Variants in KYNU observed in about 807,000 individuals in gnomAD.
The protein encoded by KYNU is kynureninase.
A neutral mutation model predicts 59.2 loss-of-function variants in KYNU; 54 were observed. The ratio of observed to expected loss-of-function variants is 0.91; its 90% CI spans 0.73 to 1.14. The LOEUF (loss-of-function observed/expected upper bound fraction) is 1.14. Ranked by LOEUF, KYNU falls within the 50% of genes most tolerant of loss-of-function variation. The pLI, the probability that KYNU is intolerant of heterozygous loss-of-function variation, is 0.00. For synonymous variants in KYNU, 177 were observed against 192.0 expected, an observed-to-expected ratio of 0.92 and a Z score of 0.65; for missense variants, 567 against 554.4, an observed-to-expected ratio of 1.02 and a Z score of -0.23.
intron 10 of KYNU, chr2:142,989,369 A>G: frequency 1.0e-6 from 1 of 997,504 alleles, no homozygotes. Flanking sequence ...AGAGTTTTTC[A>G]CTGTTAAAGT....
At chr2:142,915,080 T>C (rs931644388) in intron 2 of KYNU, among the ~76,000 whole-genome samples, 1 of 152,242 alleles carries the variant, frequency 6.6e-6, no homozygotes, top group African/African-American at 2.4e-5. Context: ...AAAAATATAC[T>C]GCAAAAGGGT....
At chr2:143,022,170 A>G (rs1438562382) in intron 10 of KYNU, among the ~76,000 whole-genome samples, 1 of 152,122 alleles carries the variant, frequency 6.6e-6, no homozygotes, top group Non-Finnish European at 1.5e-5. Context: ...TTTGACTTTC[A>G]GGCTGAGGTT....
At position 143,017,434 on chromosome 2, in the gene KYNU, C is replaced by CTTTTTTTTTTTTTTTTTT. The variant is rs1184177776; in HGVS notation, c.903-12186_903-12169dup. 6.6e-4 allele frequency among the ~76,000 whole-genome samples: 45 copies of CTTTTTTTTTTTTTTTTTT among 68,444 alleles called. 1 individual carries two copies. The highest frequency in any genetic ancestry group is 7.8e-4 in the Non-Finnish European group (30 of 38,572). 44.9% of individuals were successfully genotyped at this position (68,444 alleles called of 152,430 possible). ...TTTTTTGACCTTTTCTCTCTTTTTT[C>CTTTTTTTTTTTTTTTTTT]TTTTTTTTTTTTTTTTTTTTTTTTG... On this transcript the variant is annotated intron_variant, in intron 10 of 13. Coordinates refer to ENST00000264170, the MANE Select transcript of KYNU (RefSeq NM_003937.3).
At position 143,045,219 on chromosome 2, in the gene KYNU, G is replaced by A. The variant is rs940492425; in HGVS notation, c.*3047G>A. On this transcript the variant is annotated 3_prime_UTR_variant, in exon 14 of 14. Transcript: ENST00000264170. ...GTCTGTTTTTGTTCAGTACCATGCT[G>A]TTTTGTTTACTATAGCCTTGTAGTA... The A allele has an allele frequency of 6.6e-6, 1 of 152,110 alleles. No homozygotes were observed. Among genetic ancestry groups the A allele is most frequent in the South Asian group, 2.1e-4 (1 of 4,834 alleles). The allele number at this position is 152,110 out of a possible 1,614,324, so 9.4% of individuals were successfully genotyped here.
At chr2:142,901,788 A>G (rs1682098195) in intron 2 of KYNU, among the ~76,000 whole-genome samples, 1 of 152,124 alleles carries the variant, frequency 6.6e-6, no homozygotes, top group South Asian at 2.1e-4. Flanking sequence ...CAAGTATTCC[A>G]TTATTACTGA....
At chr2:143,033,066 G>A (rs1686803888) in intron 11 of KYNU, among the ~76,000 whole-genome samples, 170 bp from the exon 12 acceptor site, 2 of 152,048 alleles carry the variant, frequency 1.3e-5, no homozygotes, top group South Asian at 4.1e-4. Context: ...GCTGGTAAAC[G>A]GGAAATAACG....
rs1236728607 is a variant in KYNU at position 143,048,291 on chromosome 2, C to G, written c.*6119C>G. ...ATTCTTTGTTATTTTAGCAATTACT[C>G]TGGCTATTTTAACATGCAAATATAA... On this transcript the variant is annotated 3_prime_UTR_variant, in exon 14 of 14. Coordinates refer to ENST00000264170, the MANE Select transcript of KYNU (RefSeq NM_003937.3). The G allele has an allele frequency of 6.6e-6, 1 of 152,160 alleles. No individual in the cohort carries two copies. The highest frequency in any genetic ancestry group is 1.5e-5 in the Non-Finnish European group (1 of 68,036). 9.4% of individuals were successfully genotyped at this position (152,160 alleles called of 1,614,324 possible). A position where few individuals can be genotyped will look rare whatever the true frequency, so the allele number is the denominator to read the frequency against.
At chr2:142,935,541 G>T (rs1054331250) in intron 4 of KYNU, among the ~76,000 whole-genome samples, 1 of 152,188 alleles carries the variant, frequency 6.6e-6, no homozygotes, top group Non-Finnish European at 1.5e-5. Flanking sequence ...AGAGAATAAT[G>T]TAGAGGTCAT....
At chr2:143,037,360 G>A (rs973461865) in intron 12 of KYNU, among the ~76,000 whole-genome samples, 3 of 151,966 alleles carry the variant, frequency 2.0e-5, no homozygotes, top group African/African-American at 7.3e-5. Flanking sequence ...ATATTTTGAG[G>A]GTTCATATTT....
At chr2:142,901,132 A>G (rs1259464303) in intron 2 of KYNU, among the ~76,000 whole-genome samples, 2 of 151,802 alleles carry the variant, frequency 1.3e-5, no homozygotes, top group Admixed American at 6.6e-5. Context: ...CACACTTCAC[A>G]GGCCCTGACT....
chr2:142,885,980 A>G (rs1225337231), intron 2 of KYNU, among the ~76,000 whole-genome samples: 1 of 152,216 alleles, frequency 6.6e-6, no homozygotes, highest in Non-Finnish European at 1.5e-5. Context: ...GAGATGTTAT[A>G]TGAATAGCCA....
At chr2:142,954,721 GA>G (rs1684107347) in intron 4 of KYNU, 88 bp from the exon 5 acceptor site, 1 of 849,374 alleles carries the variant, frequency 1.2e-6, no homozygotes, top group African/African-American at 1.7e-5. Flanking sequence ...AAGACATTAA[GA>G]ATGATTGAGT....
intron 3 of KYNU, among the ~76,000 whole-genome samples, chr2:142,927,458 T>TA (rs1558925731): frequency 6.6e-6 from 1 of 151,132 alleles, no homozygotes; most frequent in Non-Finnish European, 1.5e-5. Flanking sequence ...AAAAAGAAAA[T>TA]AAAAGAAATT....
chr2:143,012,167 C>T (rs1416055589), intron 10 of KYNU, among the ~76,000 whole-genome samples: 1 of 151,844 alleles, frequency 6.6e-6, no homozygotes, highest in Non-Finnish European at 1.5e-5. Flanking sequence ...CAAAGGAGAA[C>T]AGAAGAAAGC....
Position 142,926,600 on chromosome 2 carries a change from C to T in KYNU, c.291-1059C>T, listed in dbSNP as rs115243835. On this transcript the variant is annotated intron_variant, in intron 3 of 13. Transcript: ENST00000264170. ...TCATGTAGAGGAAGAGTTCCAGTTGCGGAGATGCAGTGAGTAATCACACCA... is the reference window on the plus strand; with the variant it reads ...TCATGTAGAGGAAGAGTTCCAGTTGTGGAGATGCAGTGAGTAATCACACCA... 7.9e-3 allele frequency among the ~76,000 whole-genome samples: 1,205 copies of T among 152,200 alleles called. 6 individuals carry two copies. The highest frequency in any genetic ancestry group is 0.027 in the African/African-American group (1,115 of 41,524).
chr2:142,993,466 G>A (rs893656964), intron 10 of KYNU, among the ~76,000 whole-genome samples: 4 of 152,008 alleles, frequency 2.6e-5, no homozygotes, highest in African/African-American at 9.7e-5. Flanking sequence ...ATCAGTCTTA[G>A]TCCTCAAATG....
chr2:142,939,960 A>G (rs1023596869), intron 4 of KYNU, among the ~76,000 whole-genome samples: 2 of 152,342 alleles, frequency 1.3e-5, no homozygotes, highest in East Asian at 3.9e-4. Context: ...AGCCAGATCC[A>G]GTAAAGGCCA....
intron 10 of KYNU, among the ~76,000 whole-genome samples, chr2:143,021,114 G>C (rs920854577): frequency 6.6e-6 from 1 of 151,754 alleles, no homozygotes; most frequent in Non-Finnish European, 1.5e-5. Context: ...GTATCCTTTG[G>C]CCATTTTTCT....
At chr2:142,930,734 A>G (rs923103666) in intron 4 of KYNU, among the ~76,000 whole-genome samples, 1 of 152,206 alleles carries the variant, frequency 6.6e-6, no homozygotes, top group Non-Finnish European at 1.5e-5. Context: ...AACCTTAATT[A>G]CTAATTTGTA....
Sources: gnomAD v4.1 joint callset for allele counts (sites outside exome capture counted in the v4.1 genomes callset) on GRCh38, gnomAD v4.1.1 for gene constraint, MANE v1.5 for transcripts, NCBI Gene and HGNC (gene_info 2026-07-23, HGNC 2026-07-21) for gene names.